The following SLC49A4 variants were observed in gnomAD, a reference collection of about 807,000 sequenced individuals.
SLC49A4 encodes the protein solute carrier family 49 member 4.
Under a neutral mutation model 50.6 loss-of-function variants are expected in SLC49A4, and 36 were observed. The observed-to-expected ratio is 0.71, with a 90% CI of 0.55 to 0.94. The LOEUF is 0.94. Ranked by LOEUF, SLC49A4 falls within the 40% of genes least tolerant of loss-of-function variation. SLC49A4 has a pLI of 0.00. For synonymous variants in SLC49A4, 248 were observed against 241.2 expected, an observed-to-expected ratio of 1.03 and a Z score of -0.26; for missense variants, 503 against 605.7, an observed-to-expected ratio of 0.83 and a Z score of 1.78.
At chr3:122,813,961 A>G (rs1936331920) in intron 2 of SLC49A4, among the ~76,000 whole-genome samples, 1 of 152,180 alleles carries the variant, frequency 6.6e-6, no homozygotes, top group Non-Finnish European at 1.5e-5. Context: ...AATCTTAAAG[A>G]CATTGCTTTA....
At chr3:122,816,760 G>A (rs1576294272) in intron 2 of SLC49A4, among the ~76,000 whole-genome samples, 1 of 152,140 alleles carries the variant, frequency 6.6e-6, no homozygotes, top group East Asian at 1.9e-4. Context: ...TGACAGTATA[G>A]TCAACAGCCA....
intron 2 of SLC49A4, among the ~76,000 whole-genome samples, chr3:122,812,247 A>G (rs1333580865): frequency 6.6e-6 from 1 of 152,122 alleles, no homozygotes. Context: ...GAGCCACTGC[A>G]CCCAGCCTAT....
chr3:122,824,716 CT>C (rs796246585), intron 2 of SLC49A4, among the ~76,000 whole-genome samples: 3 of 113,548 alleles, frequency 2.6e-5, no homozygotes, highest in Non-Finnish European at 5.5e-5. Flanking sequence ...CCTTTCCTTT[CT>C]TTTTTTTTCC....
chr3:122,823,119 C>G (rs1936476637), intron 2 of SLC49A4, among the ~76,000 whole-genome samples: 1 of 152,170 alleles, frequency 6.6e-6, no homozygotes. Context: ...ATGTGCACAC[C>G]CTGCCCTCTA....
chr3:122,878,663 GA>G (rs1937295741), intron 8 of SLC49A4, among the ~76,000 whole-genome samples: 1 of 152,180 alleles, frequency 6.6e-6, no homozygotes, highest in Non-Finnish European at 1.5e-5. Context: ...TGCTGGTAGA[GA>G]AAAAGACTAG....
intron 7 of SLC49A4, among the ~76,000 whole-genome samples, chr3:122,868,308 A>G (rs1346543422): frequency 1.3e-5 from 2 of 152,170 alleles, no homozygotes; most frequent in African/African-American, 4.8e-5. Context: ...GTGTGGGCCC[A>G]TGAAATTTTA....
intron 5 of SLC49A4, among the ~76,000 whole-genome samples, chr3:122,846,950 A>T (rs536234238): frequency 6.6e-6 from 1 of 152,338 alleles, no homozygotes; most frequent in East Asian, 1.9e-4. Context: ...GGCTGCACAT[A>T]TAAAGGGCAA....
chr3:122,812,672 A>G (rs1431286061), intron 2 of SLC49A4, among the ~76,000 whole-genome samples: 1 of 152,158 alleles, frequency 6.6e-6, no homozygotes, highest in Non-Finnish European at 1.5e-5. Flanking sequence ...TTTGAGAACT[A>G]CCTCCCATCT....
chr3:122,876,287 C>G (rs1435174031), intron 8 of SLC49A4, among the ~76,000 whole-genome samples: 1 of 152,154 alleles, frequency 6.6e-6, no homozygotes, highest in African/African-American at 2.4e-5. Flanking sequence ...GTTCTAGAAG[C>G]TTTGCAGCGG....
chr3:122,817,136 T>C (rs1936378962), intron 2 of SLC49A4, among the ~76,000 whole-genome samples: 1 of 152,174 alleles, frequency 6.6e-6, no homozygotes, highest in African/African-American at 2.4e-5. Context: ...TATGGGGGTA[T>C]TTATCTGATC....
intron 5 of SLC49A4, among the ~76,000 whole-genome samples, chr3:122,849,061 G>A (rs71330976): frequency 0.095 from 14,405 of 152,156 alleles, 754 homozygotes; most frequent in East Asian, 0.14. Flanking sequence ...AACGTGCAAT[G>A]TTTGTCTTTC....
rs186918790 is a variant in SLC49A4, at chr3:122,846,864, G to A, written c.942+993G>A. Among the ~76,000 whole-genome samples the A allele has an allele frequency of 1.7e-3, 259 of 152,274 alleles. 1 individual carries two copies. Among genetic ancestry groups the A allele is most frequent in the African/African-American group, 4.7e-3 (196 of 41,554 alleles). ...TGGGCTGCCTTTTTCTTACCGATAC[G>A]TAAAGAAGAGGGCTGTGCAGAAGAG... On this transcript the variant is annotated intron_variant, in intron 5 of 8. Transcript: ENST00000261038.
intron 2 of SLC49A4, among the ~76,000 whole-genome samples, chr3:122,811,299 A>G (rs1440042495): frequency 6.6e-6 from 1 of 152,246 alleles, no homozygotes; most frequent in Admixed American, 6.5e-5. Flanking sequence ...GAGAAGTTCA[A>G]GAGAATTCTT....
rs947150738 is a variant in SLC49A4 at position 122,800,514 on chromosome 3, T to C, written c.343+4979T>C. Reference sequence around the variant, plus strand: ...TTTAGGTTTTGTTTTGTTTTTTCTTTTTTTTGGTAAGAGATATTAAAGTAT... The same window carrying C: ...TTTAGGTTTTGTTTTGTTTTTTCTTCTTTTTGGTAAGAGATATTAAAGTAT... On this transcript the variant is annotated intron_variant, in intron 1 of 8. Transcript: ENST00000261038. Among the ~76,000 whole-genome samples, 2 of 152,186 alleles carry C rather than the reference T, an allele frequency of 1.3e-5. 1 individual carries two copies.
rs555081104 is a variant in SLC49A4 at position 122,807,221 on chromosome 3, A to G, written c.437+271A>G. On this transcript the variant is annotated intron_variant, in intron 2 of 8. Transcript: ENST00000261038. ...CCATTTGTAAGTATAATAATATAAC[A>G]TATTATATATATATATAGTGTAGTT... Among the ~76,000 whole-genome samples the G allele has an allele frequency of 9.7e-3, 695 of 71,684 alleles. 3 individuals are homozygous for G. Among genetic ancestry groups the G allele is most frequent in the Non-Finnish European group, 0.02 (491 of 25,070 alleles). 47.0% of individuals were successfully genotyped at this position (71,684 alleles called of 152,430 possible).
At chr3:122,833,700 A>C (rs1373560212) in intron 4 of SLC49A4, among the ~76,000 whole-genome samples, 2 of 152,116 alleles carry the variant, frequency 1.3e-5, no homozygotes, top group African/African-American at 2.4e-5. Flanking sequence ...ATGTTTTAAA[A>C]ATCAAATATT....
intron 2 of SLC49A4, among the ~76,000 whole-genome samples, chr3:122,818,808 G>T (rs1439104131): frequency 1.3e-5 from 2 of 152,054 alleles, no homozygotes; most frequent in African/African-American, 4.8e-5. Context: ...GCCGGGCGTG[G>T]TGGGGTGTGC....
chr3:122,877,634 CTTT>C lies in SLC49A4; in HGVS notation c.1322-1623_1322-1621del, dbSNP rs1185353921. On this transcript the variant is annotated intron_variant, in intron 8 of 8. Coordinates refer to ENST00000261038, the MANE Select transcript of SLC49A4 (RefSeq NM_032839.3). Reference sequence around the variant, plus strand: ...GTAAACTGTTTTGTCAATTACCATACTTTTTTTTATCTGTTGCTTAAAACTTGA... The same window carrying C: ...GTAAACTGTTTTGTCAATTACCATACTTTTTATCTGTTGCTTAAAACTTGA... Among the ~76,000 whole-genome samples the C allele has an allele frequency of 2.0e-5, 3 of 152,216 alleles. No individual in the cohort carries two copies. In the East Asian group the frequency reaches 5.8e-4, roughly 29 times the overall value.
chr3:122,860,313 C>A, intron 7 of SLC49A4, 111 bp downstream of exon 7: 2 of 1,130,228 alleles, frequency 1.8e-6, no homozygotes, highest in Non-Finnish European at 2.3e-6. Context: ...GTTAAATATA[C>A]AAAAAAGTTT....
Sources: allele counts gnomAD v4.1 joint callset (sites outside exome capture counted in the v4.1 genomes callset), GRCh38; gene constraint gnomAD v4.1.1; transcripts MANE v1.5; gene names NCBI Gene and HGNC (gene_info 2026-07-23, HGNC 2026-07-21).